Variants in CACNA1C observed in about 807,000 individuals in gnomAD.
The protein encoded by CACNA1C is calcium voltage-gated channel subunit alpha1 C.
In CACNA1C, 30 loss-of-function variants were observed where a neutral mutation model predicts 229.0. The ratio of observed to expected loss-of-function variants is 0.13; its 90% CI spans 0.10 to 0.18. The LOEUF (loss-of-function observed/expected upper bound fraction) is 0.18. CACNA1C is among the 10% of genes least tolerant of loss of function. The pLI is 1.00. For missense variants in CACNA1C, 1,658 were observed against 2,845.0 expected (o/e 0.58, Z 9.49); for synonymous variants, 1,114 against 1,132.5 (o/e 0.98, Z 0.33).
At chr12:2,063,625 T>C (rs568474670) in intron 1 of CACNA1C, among the ~76,000 whole-genome samples, 6 of 152,232 alleles carry the variant, frequency 3.9e-5, no homozygotes, top group African/African-American at 1.4e-4. Flanking sequence ...TTAAGCGTTT[T>C]CTTTCAATTA....
chr12:2,413,764 C>T (rs1299771335), intron 3 of CACNA1C, among the ~76,000 whole-genome samples: 2 of 152,206 alleles, frequency 1.3e-5, no homozygotes, highest in African/African-American at 2.4e-5. Flanking sequence ...GGTCCTTCCA[C>T]GGAGAAGGCC....
At chr12:2,075,724 T>C (rs1292700481) in intron 1 of CACNA1C, among the ~76,000 whole-genome samples, 1 of 152,206 alleles carries the variant, frequency 6.6e-6, no homozygotes, top group Non-Finnish European at 1.5e-5. Context: ...TACCATGGAC[T>C]TGTCCTTGTC....
At chr12:2,097,088 A>G (rs143222119) in intron 1 of CACNA1C, among the ~76,000 whole-genome samples, 208 of 152,326 alleles carry the variant, frequency 1.4e-3, no homozygotes, top group African/African-American at 4.3e-3. Flanking sequence ...TTTTGGGTAT[A>G]TACCCAGAAA....
At chr12:2,396,617 G>A (rs2098585957) in intron 3 of CACNA1C, among the ~76,000 whole-genome samples, 1 of 152,246 alleles carries the variant, frequency 6.6e-6, no homozygotes, top group Admixed American at 6.5e-5. Flanking sequence ...AACAGGGTGA[G>A]TTGTTGTCAC....
chr12:2,474,920 T>G (rs559737755), intron 5 of CACNA1C, among the ~76,000 whole-genome samples: 1 of 152,318 alleles, frequency 6.6e-6, no homozygotes, highest in African/African-American at 2.4e-5. Context: ...TTGGAAAAGA[T>G]GCCTGATAGA....
chr12:2,168,094 G>A (rs908077819), intron 3 of CACNA1C, among the ~76,000 whole-genome samples: 2 of 152,154 alleles, frequency 1.3e-5, no homozygotes, highest in South Asian at 2.1e-4. Context: ...GTGTGCATGC[G>A]TGTGTTACAG....
chr12:2,481,934 C>T (rs1488462366), intron 5 of CACNA1C, among the ~76,000 whole-genome samples: 3 of 152,282 alleles, frequency 2.0e-5, no homozygotes, highest in Non-Finnish European at 4.4e-5. Flanking sequence ...AGGCCCGACA[C>T]TCGCTTATCA....
chr12:2,621,193 C>T (rs943389590), intron 29 of CACNA1C, among the ~76,000 whole-genome samples: 3 of 152,034 alleles, frequency 2.0e-5, no homozygotes, highest in Admixed American at 6.5e-5. Flanking sequence ...CAGAGTAGTG[C>T]GGGAGACACC....
At chr12:2,242,124 C>T (rs1409156025) in intron 3 of CACNA1C, among the ~76,000 whole-genome samples, 1 of 152,218 alleles carries the variant, frequency 6.6e-6, no homozygotes, top group Admixed American at 6.5e-5. Flanking sequence ...CCTCCCACCT[C>T]CACGCTCAGT....
At chr12:2,190,469 CGTA>C (rs1428920240) in intron 3 of CACNA1C, among the ~76,000 whole-genome samples, 2 of 152,126 alleles carry the variant, frequency 1.3e-5, no homozygotes, top group Admixed American at 6.5e-5. Flanking sequence ...TTCAGGGTAT[CGTA>C]GACGTGTTGG....
At chr12:2,609,993 C>G (rs1169694691) in intron 27 of CACNA1C, among the ~76,000 whole-genome samples, 2 of 152,028 alleles carry the variant, frequency 1.3e-5, no homozygotes, top group Admixed American at 6.6e-5. Context: ...GGCGTTGTGG[C>G]GTGTGCCTGT....
chr12:2,373,030 C>T (rs563230026), intron 3 of CACNA1C, among the ~76,000 whole-genome samples: 2 of 152,348 alleles, frequency 1.3e-5, no homozygotes, highest in African/African-American at 4.8e-5. Context: ...CAGCCTGGGG[C>T]ACTCGGCACA....
intron 3 of CACNA1C, among the ~76,000 whole-genome samples, chr12:2,279,674 C>G (rs915682963): frequency 3.9e-5 from 6 of 151,986 alleles, no homozygotes; most frequent in African/African-American, 1.5e-4. Flanking sequence ...ATAGTTGGTC[C>G]TTTGTATTCT....
At chr12:2,239,480 C>T (rs2068897816) in intron 3 of CACNA1C, among the ~76,000 whole-genome samples, 1 of 152,144 alleles carries the variant, frequency 6.6e-6, no homozygotes, top group South Asian at 2.1e-4. Flanking sequence ...TCAAAAGGGC[C>T]GTTCATTCCC....
upstream of CACNA1C, chr12:2,052,951 CG>C (rs1051200059): frequency 4.1e-6 from 4 of 977,938 alleles, no homozygotes; most frequent in African/African-American, 3.5e-5. Context: ...GGGGCTGGGC[CG>C]GGGGGAGTGA....
chr12:2,252,491 C>T (rs1402646215), intron 3 of CACNA1C, among the ~76,000 whole-genome samples: 3 of 152,254 alleles, frequency 2.0e-5, no homozygotes, highest in South Asian at 2.1e-4. Flanking sequence ...AAGCAGCAAC[C>T]GTGCAGCTGA....
intron 1 of CACNA1C, among the ~76,000 whole-genome samples, chr12:2,021,848 C>G (rs991916215): frequency 2.4e-4 from 36 of 152,148 alleles, no homozygotes; most frequent in African/African-American, 8.4e-4. Flanking sequence ...GAGAGTAAAG[C>G]CTTTGCAAGC....
intron 3 of CACNA1C, among the ~76,000 whole-genome samples, chr12:2,297,107 A>C (rs1053143587): frequency 2.6e-5 from 4 of 152,212 alleles, no homozygotes; most frequent in Admixed American, 2.6e-4. Flanking sequence ...GACAGCAAAG[A>C]AACCGCTCAG....
At chr12:2,289,691 C>T (rs534751979) in intron 3 of CACNA1C, among the ~76,000 whole-genome samples, 10 of 152,036 alleles carry the variant, frequency 6.6e-5, no homozygotes, top group Middle Eastern at 6.8e-3. Flanking sequence ...CCAGGCGTTA[C>T]GTGATCAGTG....
Sources: gnomAD v4.1 joint callset for allele counts (sites outside exome capture counted in the v4.1 genomes callset) on GRCh38, gnomAD v4.1.1 for gene constraint, MANE v1.5 for transcripts, NCBI Gene and HGNC (gene_info 2026-07-23, HGNC 2026-07-21) for gene names.